The following ITGB5 variants were observed in gnomAD, a reference collection of about 807,000 sequenced individuals.
ITGB5 encodes the protein integrin beta-5.
A neutral mutation model predicts 84.8 loss-of-function variants in ITGB5; 38 were observed. That is an observed-to-expected ratio of 0.45 (90% CI 0.35 to 0.59). ITGB5 has a LOEUF of 0.59. Ranked by LOEUF, ITGB5 falls within the 20% of genes least tolerant of loss-of-function variation. The pLI is 0.01. For missense variants in ITGB5, 905 were observed against 1,034.5 expected, an observed-to-expected ratio of 0.87 and a Z score of 1.72; for synonymous variants, 393 against 414.4, an observed-to-expected ratio of 0.95 and a Z score of 0.63.
At chr3:124,772,886 G>T (rs2063866955) in intron 11 of ITGB5, among the ~76,000 whole-genome samples, 1 of 151,446 alleles carries the variant, frequency 6.6e-6, no homozygotes, top group African/African-American at 2.4e-5. Flanking sequence ...CCTTATCTAG[G>T]TCGGGTGCCT....
chr3:124,880,356 A>G (rs1392590237), intron 1 of ITGB5, among the ~76,000 whole-genome samples: 1 of 152,270 alleles, frequency 6.6e-6, no homozygotes, highest in African/African-American at 2.4e-5. Flanking sequence ...CTAATGTAAG[A>G]TGTTAATAAT....
intron 5 of ITGB5, among the ~76,000 whole-genome samples, chr3:124,821,700 A>C (rs116698776): frequency 0.016 from 2,460 of 152,298 alleles, 66 homozygotes; most frequent in African/African-American, 0.055. Context: ...ACAAATGTCC[A>C]AGTCTTTGCC....
intron 8 of ITGB5, among the ~76,000 whole-genome samples, chr3:124,812,808 C>T (rs1339689157): frequency 6.6e-6 from 1 of 152,184 alleles, no homozygotes; most frequent in African/African-American, 2.4e-5. Flanking sequence ...TAAACATACC[C>T]TTTCCATTTT....
intron 5 of ITGB5, among the ~76,000 whole-genome samples, chr3:124,840,645 C>T (rs1218813248): frequency 1.3e-5 from 2 of 149,762 alleles, no homozygotes; most frequent in Admixed American, 1.3e-4. Flanking sequence ...AAAGATGCCA[C>T]ACAATTCTTT....
At chr3:124,806,228 G>C (rs564038498) in intron 9 of ITGB5, among the ~76,000 whole-genome samples, 2 of 152,246 alleles carry the variant, frequency 1.3e-5, no homozygotes, top group South Asian at 4.2e-4. Flanking sequence ...CCTGGCGTAT[G>C]CTAGATTAGA....
chr3:124,845,489 C>G (rs531616577), intron 4 of ITGB5, among the ~76,000 whole-genome samples: 4 of 152,236 alleles, frequency 2.6e-5, no homozygotes, highest in Non-Finnish European at 5.9e-5. Flanking sequence ...AACTCAGGCC[C>G]GAGGTTTCCT....
At chr3:124,815,349 T>TG (rs2064571953) in intron 8 of ITGB5, among the ~76,000 whole-genome samples, 1 of 152,206 alleles carries the variant, frequency 6.6e-6, no homozygotes, top group Non-Finnish European at 1.5e-5. Context: ...CCAATGCTCT[T>TG]GGGGAGCTCC....
At chr3:124,784,530 G>A (rs569419237) in intron 10 of ITGB5, among the ~76,000 whole-genome samples, 2 of 152,210 alleles carry the variant, frequency 1.3e-5, no homozygotes, top group South Asian at 2.1e-4. Context: ...AATCAATGCC[G>A]ATGCCCAGCT....
chr3:124,772,265 C>G (rs565195634), intron 11 of ITGB5, among the ~76,000 whole-genome samples: 1 of 152,196 alleles, frequency 6.6e-6, no homozygotes, highest in Admixed American at 6.5e-5. Flanking sequence ...TACTCTCCCC[C>G]ATCTCCTCCA....
intron 5 of ITGB5, among the ~76,000 whole-genome samples, chr3:124,827,086 A>G (rs924125041): frequency 6.6e-6 from 1 of 152,238 alleles, no homozygotes; most frequent in Admixed American, 6.5e-5. Context: ...CAAAAGTGGG[A>G]AAGTGGATTG....
At chr3:124,854,639 G>A (rs781215399) in intron 3 of ITGB5, among the ~76,000 whole-genome samples, 6 of 152,146 alleles carry the variant, frequency 3.9e-5, no homozygotes, top group East Asian at 1.9e-4. Context: ...AACTGTTCAC[G>A]GGTATGGGAC....
At chr3:124,775,431 A>T (rs2063912805) in intron 10 of ITGB5, among the ~76,000 whole-genome samples, 1 of 151,680 alleles carries the variant, frequency 6.6e-6, no homozygotes, top group Non-Finnish European at 1.5e-5. Context: ...TTTGTTCTGG[A>T]GTGTGAGCGT....
intron 8 of ITGB5, among the ~76,000 whole-genome samples, chr3:124,815,947 T>G (rs1223451714): frequency 6.6e-6 from 1 of 152,178 alleles, no homozygotes; most frequent in East Asian, 1.9e-4. Context: ...GCCTATGGGA[T>G]CTGGTGAGGC....
At chr3:124,897,339 C>T (rs1367105646) in intron 1 of ITGB5, among the ~76,000 whole-genome samples, 1 of 152,114 alleles carries the variant, frequency 6.6e-6, no homozygotes, top group Non-Finnish European at 1.5e-5. Flanking sequence ...AGCTTCTGGG[C>T]TCTATTAATC....
chr3:124,876,669 G>A (rs1044248864), intron 1 of ITGB5, among the ~76,000 whole-genome samples: 5 of 152,176 alleles, frequency 3.3e-5, no homozygotes, highest in African/African-American at 1.2e-4. Context: ...GAACCCACAG[G>A]GGGTGAGAAC....
At position 124,796,761 on chromosome 3, in the gene ITGB5, ATGCTCCGTG is replaced by A; in HGVS notation, c.1311_1319del (p.Thr438_His440del). Reference sequence around the variant, plus strand: ...ATCCCACCGGCCGCAGGGCAAACACATGCTCCGTGTGTCTGCTGGGACAGCTTCGGGCCT... The same window carrying A: ...ATCCCACCGGCCGCAGGGCAAACACATGTCTGCTGGGACAGCTTCGGGCCT... On this transcript the variant is annotated inframe_deletion, in exon 10 of 15. Transcript: ENST00000296181. 6.2e-7 allele frequency: 1 copy of A among 1,613,862 alleles called. No homozygotes were observed. The highest frequency in any genetic ancestry group is 8.5e-7 in the Non-Finnish European group (1 of 1,179,902).
chr3:124,793,270 C>T (rs953324811), intron 10 of ITGB5, among the ~76,000 whole-genome samples: 13 of 152,166 alleles, frequency 8.5e-5, no homozygotes, highest in African/African-American at 3.1e-4. Context: ...CACACGCAGG[C>T]TTCTAGGGTG....
intron 9 of ITGB5, among the ~76,000 whole-genome samples, chr3:124,798,483 C>T (rs1410756658): frequency 6.6e-6 from 1 of 152,020 alleles, no homozygotes; most frequent in African/African-American, 2.4e-5. Context: ...GCAGTGGCAC[C>T]ATCTCGGCTC....
At chr3:124,802,671 G>T (rs2619330) in intron 9 of ITGB5, among the ~76,000 whole-genome samples, 27,620 of 152,106 alleles carry the variant, frequency 0.18, 2,959 homozygotes, top group African/African-American at 0.29. Context: ...TTTTCATTTT[G>T]CACTGGGACC....
Sources: gnomAD v4.1 joint callset for allele counts (sites outside exome capture counted in the v4.1 genomes callset) on GRCh38, gnomAD v4.1.1 for gene constraint, MANE v1.5 for transcripts, NCBI Gene and HGNC (gene_info 2026-07-23, HGNC 2026-07-21) for gene names.